MYO5C: variants seen among roughly 807,000 people sequenced by gnomAD.
MYO5C encodes the protein unconventional myosin-Vc.
MYO5C carries 194 observed loss-of-function variants against 235.7 expected under a neutral mutation model. That is an observed-to-expected ratio of 0.82 (90% CI 0.73 to 0.93). MYO5C has a LOEUF of 0.93. MYO5C is among the 40% of genes least tolerant of loss of function. MYO5C has a pLI of 0.00. For synonymous variants in MYO5C, 707 were observed against 754.8 expected, an observed-to-expected ratio of 0.94 and a Z score of 1.04; for missense variants, 2,038 against 2,127.2, an observed-to-expected ratio of 0.96 and a Z score of 0.82.
intron 4 of MYO5C, chr15:52,277,307 G>T (rs1207917722): frequency 2.0e-6 from 1 of 511,624 alleles, no homozygotes; most frequent in Non-Finnish European, 3.9e-6. Flanking sequence ...GCTGAAGTGA[G>T]CACAGCCCTA....
chr15:52,255,068 A>G (rs2036552505), intron 11 of MYO5C, among the ~76,000 whole-genome samples: 1 of 151,722 alleles, frequency 6.6e-6, no homozygotes, highest in African/African-American at 2.4e-5. Context: ...TTCTCACAAT[A>G]TTAGACAGTT....
Position 52,245,955 on chromosome 15 carries a change from C to T in MYO5C, c.2066+1G>A. The T allele has an allele frequency of 6.2e-7, 1 of 1,613,918 alleles. No individual in the cohort carries two copies. Among genetic ancestry groups the T allele is most frequent in the Middle Eastern group, 1.7e-4 (1 of 6,042 alleles). Reference sequence around the variant, plus strand: ...CTCCAAGACAAGGACGGACAACATACCTGGAAGGGTAGCTCTGTGCACTAA... The same window carrying T: ...CTCCAAGACAAGGACGGACAACATATCTGGAAGGGTAGCTCTGTGCACTAA... On this transcript the variant is annotated splice_donor_variant, in intron 17 of 40. Coordinates refer to ENST00000261839, the MANE Select transcript of MYO5C (RefSeq NM_018728.4). LOFTEE classifies it high-confidence loss of function.
At chr15:52,217,827 T>C (rs1466229109) in intron 32 of MYO5C, among the ~76,000 whole-genome samples, 1 of 152,166 alleles carries the variant, frequency 6.6e-6, no homozygotes, top group Admixed American at 6.5e-5. Flanking sequence ...ACTGGACTCG[T>C]CAGCCCTCCT....
chr15:52,267,157 C>T (rs963582319), intron 8 of MYO5C, among the ~76,000 whole-genome samples: 11 of 152,264 alleles, frequency 7.2e-5, no homozygotes, highest in Non-Finnish European at 1.5e-4. Context: ...AACATGGGGG[C>T]AAATGGCTGC....
intron 5 of MYO5C, 44 bp from the exon 6 acceptor site, chr15:52,272,767 T>G: frequency 6.3e-7 from 1 of 1,598,310 alleles, no homozygotes; most frequent in South Asian, 1.1e-5. Flanking sequence ...ATTAAAAGAT[T>G]TTTGCCTCAA....
At chr15:52,287,206 T>C (rs375864133) in intron 1 of MYO5C, among the ~76,000 whole-genome samples, 1 of 151,546 alleles carries the variant, frequency 6.6e-6, no homozygotes, top group East Asian at 1.9e-4. Flanking sequence ...CATGGATGTG[T>C]AAGTTTTGAG....
At chr15:52,244,820 C>T (rs1026405521) in intron 18 of MYO5C, among the ~76,000 whole-genome samples, 4 of 152,118 alleles carry the variant, frequency 2.6e-5, no homozygotes, top group Admixed American at 6.5e-5. Context: ...TCATTTGCGG[C>T]GATTCTCAGT....
Position 52,205,951 on chromosome 15 carries a change from T to G in MYO5C, c.4402A>C (p.Asn1468His), listed in dbSNP as rs756146406. 1 of 1,559,238 alleles carries G rather than the reference T, an allele frequency of 6.4e-7. No individual in the cohort carries two copies. The highest frequency in any genetic ancestry group is 1.9e-5 in the Admixed American group (1 of 53,210). ...YSGEEEFMKH[N>H]SPQQNKNCLN... Reference sequence around the variant, plus strand: ...CAATTCTTATTCTGCTGTGGACTATTATGCTTCATGAATTCCTAAAAGTAA... The same window carrying G: ...CAATTCTTATTCTGCTGTGGACTATGATGCTTCATGAATTCCTAAAAGTAA... Residue 1468 changes from asparagine (N) to histidine (H), a missense_variant, in exon 37 of 41, where the codon AAT becomes CAT. Coordinates refer to ENST00000261839, the MANE Select transcript of MYO5C (RefSeq NM_018728.4).
Position 52,245,391 on chromosome 15 carries a change from T to C in MYO5C, c.2141A>G (p.Lys714Arg). 6.2e-7 allele frequency: 1 copy of C among 1,614,166 alleles called. No individual in the cohort carries two copies. Among genetic ancestry groups the C allele is most frequent in the East Asian group, 2.2e-5 (1 of 44,892 alleles). ...GTGTAAAACCACCTTGCACACCTCCTTTTTATCGCTGAAGGAAAGCTCTTG... is the reference window on the plus strand; with the variant it reads ...GTGTAAAACCACCTTGCACACCTCCCTTTTATCGCTGAAGGAAAGCTCTTG... ...TKQELSFSDK[K>R]EVCKVVLHRL... is the part of the protein sequence containing the mutation. Residue 714 changes from lysine (K) to arginine (R), a missense_variant, in exon 18 of 41, where the codon AAG (lysine) becomes AGG (arginine). Lys to Arg is a conservative substitution (Grantham distance 26). Coordinates refer to ENST00000261839, the MANE Select transcript of MYO5C (RefSeq NM_018728.4).
Position 52,256,562 on chromosome 15 carries a change from A to AACACACACACACACAC in MYO5C, c.1395+61_1395+76dup, listed in dbSNP as rs373248361. ...AGAAAGAAGAATGCCTCTTTCCACG[A>AACACACACACACACAC]ACACACACACACACACACACACACA... On this transcript the variant is annotated intron_variant, in intron 11 of 40. Transcript: ENST00000261839. The AACACACACACACACAC allele has an allele frequency of 2.4e-4, 149 of 632,298 alleles. No individual in the cohort carries two copies. The African/African-American group carries it at 2.6e-3, about 11-fold the overall frequency. 39.2% of individuals were successfully genotyped at this position (632,298 alleles called of 1,614,324 possible). A position where few individuals can be genotyped will look rare whatever the true frequency, so the allele number is the denominator to read the frequency against.
intron 35 of MYO5C, among the ~76,000 whole-genome samples, chr15:52,209,532 G>T (rs1455790409): frequency 6.6e-6 from 1 of 152,166 alleles, no homozygotes; most frequent in African/African-American, 2.4e-5. Flanking sequence ...ACATGCAAAG[G>T]CAGAGGGAGG....
chr15:52,295,745 C>G lies in MYO5C; in HGVS notation c.-109G>C. 2 of 748,540 alleles carry G rather than the reference C, an allele frequency of 2.7e-6. No homozygotes were observed. The highest frequency in any genetic ancestry group is 6.8e-5 in the East Asian group (2 of 29,328). The allele number at this position is 748,540 out of a possible 1,614,324, so 46.4% of individuals were successfully genotyped here. On this transcript the variant is annotated 5_prime_UTR_variant, in exon 1 of 41. Transcript: ENST00000261839. ...GGAGAGACCGCCGCGGAAATCACCG[C>G]CGGGCCATCTTGCCCAAAGTTTTCC...
intron 1 of MYO5C, among the ~76,000 whole-genome samples, chr15:52,284,315 C>T (rs907404780): frequency 4.6e-5 from 7 of 152,214 alleles, no homozygotes; most frequent in South Asian, 2.1e-4. Flanking sequence ...CACCAAAGCA[C>T]GCTGAGTTAA....
intron 2 of MYO5C, among the ~76,000 whole-genome samples, chr15:52,280,197 C>G (rs1010899405): frequency 1.3e-5 from 2 of 152,194 alleles, no homozygotes; most frequent in African/African-American, 4.8e-5. Context: ...TGACAGATAC[C>G]TAAAGGAGTC....
intron 36 of MYO5C, among the ~76,000 whole-genome samples, chr15:52,206,200 T>G (rs1400239317): frequency 6.6e-6 from 1 of 152,116 alleles, no homozygotes; most frequent in Non-Finnish European, 1.5e-5. Context: ...ACATTGTCCC[T>G]GGAACCTATA....
intron 34 of MYO5C, among the ~76,000 whole-genome samples, chr15:52,212,221 C>A (rs975091106): frequency 2.8e-4 from 43 of 152,122 alleles, no homozygotes; most frequent in Admixed American, 2.8e-3. Context: ...CTACTCCAAG[C>A]GCTTTGATGA....
In MYO5C at chr15:52,211,875, G is replaced by A. The variant is rs921304621; in HGVS notation, c.4151C>T (p.Pro1384Leu). ...GATCATGTTCACCACCACGCCACGG[G>A]GCTTCAAGTCTGAAGCAGAGAGAGC... is the stretch of plus-strand genomic sequence containing the variant. ...LIQNLILDLK[P>L]RGVVVNMIPG... The change falls in exon 35 of 41, where the codon CCC (proline) becomes CTC (leucine). Residue 1384 changes from proline to leucine, a missense_variant. Transcript: ENST00000261839. 1 of 1,613,698 alleles carries A rather than the reference G, an allele frequency of 6.2e-7. No homozygotes were observed. Among genetic ancestry groups the A allele is most frequent in the African/African-American group, 1.3e-5 (1 of 75,040 alleles).
Position 52,276,966 on chromosome 15 carries a change from A to G in MYO5C, c.450-1248T>C, listed in dbSNP as rs137867733. On this transcript the variant is annotated intron_variant, in intron 4 of 40. Transcript: ENST00000261839. ...ACGACATAGATATCTCTTTTACAGA[A>G]GAGTAAAATGGTGACTCAGGGGTGG... is the stretch of plus-strand genomic sequence containing the variant. Among the ~76,000 whole-genome samples the G allele has an allele frequency of 7.0e-4, 106 of 152,104 alleles. 1 individual carries two copies. Among genetic ancestry groups the G allele is most frequent in the African/African-American group, 2.4e-3 (101 of 41,510 alleles).
At chr15:52,243,150 T>C (rs971246290) in intron 19 of MYO5C, 4 of 152,214 alleles carry the variant, frequency 2.6e-5, no homozygotes, top group African/African-American at 9.7e-5. Flanking sequence ...GGGCTTTGAA[T>C]ATCACGTCAG....
Sources: gnomAD v4.1 joint callset for allele counts (sites outside exome capture counted in the v4.1 genomes callset) on GRCh38, gnomAD v4.1.1 for gene constraint, MANE v1.5 for transcripts, NCBI Gene and HGNC (gene_info 2026-07-23, HGNC 2026-07-21) for gene names.